The following RUNDC3B variants were observed in gnomAD, a reference collection of about 807,000 sequenced individuals.
RUNDC3B encodes RUN domain containing 3B.
Under a neutral mutation model 58.4 loss-of-function variants are expected in RUNDC3B, and 33 were observed. That is an observed-to-expected ratio of 0.56 (90% confidence interval 0.43 to 0.75). The LOEUF is 0.75. Among genes scored for constraint, RUNDC3B ranks in the 30% least tolerant of loss-of-function variants. The pLI is 0.00. For missense variants in RUNDC3B, 501 were observed against 535.7 expected (o/e 0.94, Z 0.64); for synonymous variants, 193 against 195.2 (o/e 0.99, Z 0.10).
chr7:87,823,007 T>G (rs138634107), intron 10 of RUNDC3B, among the ~76,000 whole-genome samples: 14,851 of 151,908 alleles, frequency 0.098, 880 homozygotes, highest in African/African-American at 0.17. Flanking sequence ...CCTGCACATT[T>G]TACACATGTA....
At chr7:87,680,503 A>G (rs1826816722) in intron 2 of RUNDC3B, among the ~76,000 whole-genome samples, 1 of 150,856 alleles carries the variant, frequency 6.6e-6, no homozygotes, top group Non-Finnish European at 1.5e-5. Context: ...TTAAGAAACT[A>G]AAAAAGGGGC....
intron 3 of RUNDC3B, among the ~76,000 whole-genome samples, chr7:87,705,849 C>T (rs1829537123): frequency 6.6e-6 from 1 of 152,120 alleles, no homozygotes; most frequent in Non-Finnish European, 1.5e-5. Flanking sequence ...TGTTACTAAC[C>T]TTGCAGATAT....
intron 4 of RUNDC3B, among the ~76,000 whole-genome samples, chr7:87,721,677 T>G (rs1830897384): frequency 6.6e-6 from 1 of 152,102 alleles, no homozygotes; most frequent in African/African-American, 2.4e-5. Context: ...TTCTGAAATT[T>G]TTTATTGCAC....
intron 6 of RUNDC3B, among the ~76,000 whole-genome samples, chr7:87,746,276 C>A (rs1832636257): frequency 6.6e-6 from 1 of 152,124 alleles, no homozygotes; most frequent in African/African-American, 2.4e-5. Flanking sequence ...GTGTATCCTG[C>A]AGATGTTGAA....
At chr7:87,754,330 C>A (rs942622329) in intron 6 of RUNDC3B, among the ~76,000 whole-genome samples, 2 of 152,128 alleles carry the variant, frequency 1.3e-5, no homozygotes, top group African/African-American at 4.8e-5. Flanking sequence ...CAACATGCTC[C>A]TGATTGACTT....
At chr7:87,801,384 C>G (rs1836146367) in intron 8 of RUNDC3B, among the ~76,000 whole-genome samples, 1 of 152,166 alleles carries the variant, frequency 6.6e-6, no homozygotes, top group South Asian at 2.1e-4. Context: ...CTATTTGAAG[C>G]AAATCGTTTT....
chr7:87,756,033 A>G (rs1160170236), intron 6 of RUNDC3B, among the ~76,000 whole-genome samples: 1 of 152,158 alleles, frequency 6.6e-6, no homozygotes, highest in Non-Finnish European at 1.5e-5. Context: ...TTTAAGACTT[A>G]CAGTCCTTTT....
chr7:87,699,915 TTTTA>T (rs1347023062), intron 2 of RUNDC3B, among the ~76,000 whole-genome samples: 1 of 152,202 alleles, frequency 6.6e-6, no homozygotes, highest in African/African-American at 2.4e-5. Context: ...TGCTAATTGA[TTTTA>T]TTTATTTATA....
intron 6 of RUNDC3B, among the ~76,000 whole-genome samples, chr7:87,761,165 A>T (rs1833656763): frequency 6.6e-6 from 1 of 152,000 alleles, no homozygotes; most frequent in South Asian, 2.1e-4. Context: ...AAATGGGCTA[A>T]GGACTTAAAT....
intron 1 of RUNDC3B, among the ~76,000 whole-genome samples, chr7:87,634,930 G>A (rs768856128): frequency 1.1e-4 from 17 of 152,178 alleles, no homozygotes; most frequent in Middle Eastern, 6.8e-3. Context: ...TCTTTTCAAC[G>A]ACTAGTCCTA....
At chr7:87,652,029 A>T (rs1295886944) in intron 2 of RUNDC3B, among the ~76,000 whole-genome samples, 1 of 152,102 alleles carries the variant, frequency 6.6e-6, no homozygotes, top group Non-Finnish European at 1.5e-5. Context: ...TAAAATTTTT[A>T]TAAAAGCAAA....
chr7:87,756,322 ATATTTT>A (rs1035004322), intron 6 of RUNDC3B, among the ~76,000 whole-genome samples: 4 of 151,956 alleles, frequency 2.6e-5, no homozygotes, highest in African/African-American at 9.7e-5. Context: ...TCCTGTTAAG[ATATTTT>A]TATTTATATA....
intron 4 of RUNDC3B, among the ~76,000 whole-genome samples, chr7:87,726,324 C>T (rs1584017460): frequency 1.3e-5 from 2 of 152,144 alleles, no homozygotes; most frequent in Non-Finnish European, 1.5e-5. Context: ...AGCCAGTTTT[C>T]CCAGCACCAT....
At chr7:87,747,834 C>G (rs1832735488) in intron 6 of RUNDC3B, among the ~76,000 whole-genome samples, 1 of 152,120 alleles carries the variant, frequency 6.6e-6, no homozygotes, top group Non-Finnish European at 1.5e-5. Context: ...TCCCACCATG[C>G]CCCTGCCAAC....
intron 4 of RUNDC3B, among the ~76,000 whole-genome samples, chr7:87,736,852 T>TAC (rs1350607002): frequency 9.2e-6 from 1 of 108,402 alleles, no homozygotes; most frequent in East Asian, 2.4e-4. Flanking sequence ...TGTATATATA[T>TAC]ACCTATATAT....
At chr7:87,809,910 C>T (rs1260569456) in intron 9 of RUNDC3B, among the ~76,000 whole-genome samples, 1 of 152,140 alleles carries the variant, frequency 6.6e-6, no homozygotes, top group Non-Finnish European at 1.5e-5. Context: ...TTGATTTGAC[C>T]AATACCTTAA....
At chr7:87,752,722 T>G (rs1207327724) in intron 6 of RUNDC3B, among the ~76,000 whole-genome samples, 1 of 152,222 alleles carries the variant, frequency 6.6e-6, no homozygotes, top group Admixed American at 6.5e-5. Flanking sequence ...GGTAGTGATA[T>G]CCCCTTTATC....
At chr7:87,768,296 C>T (rs1834084834) in intron 6 of RUNDC3B, among the ~76,000 whole-genome samples, 1 of 152,138 alleles carries the variant, frequency 6.6e-6, no homozygotes, top group African/African-American at 2.4e-5. Context: ...TGGGCTGCAC[C>T]TCTCCCTCCC....
chr7:87,664,352 T>C (rs1204702953), intron 2 of RUNDC3B, among the ~76,000 whole-genome samples: 1 of 151,828 alleles, frequency 6.6e-6, no homozygotes, highest in Non-Finnish European at 1.5e-5. Context: ...AAATAAAATA[T>C]AAAATCTAGG....
Sources: gnomAD v4.1 joint callset for allele counts (sites outside exome capture counted in the v4.1 genomes callset) on GRCh38, gnomAD v4.1.1 for gene constraint, MANE v1.5 for transcripts, NCBI Gene and HGNC (gene_info 2026-07-23, HGNC 2026-07-21) for gene names.